The following NEGR1 variants were observed in gnomAD, a reference collection of about 807,000 sequenced individuals.
The protein encoded by NEGR1 is neuronal growth regulator 1, also known as IgLON family member 4.
Under a neutral mutation model 40.9 loss-of-function variants are expected in NEGR1, and 10 were observed. The observed-to-expected ratio is 0.24, with a 90% CI of 0.15 to 0.42. The LOEUF (loss-of-function observed/expected upper bound fraction) is 0.42, where lower values mean the gene tolerates loss of function less well. NEGR1 is among the 10% of genes least tolerant of loss of function. The pLI is 1.00. For missense variants in NEGR1, 352 were observed against 438.9 expected, an observed-to-expected ratio of 0.80 and a Z score of 1.77; for synonymous variants, 185 against 166.8, an observed-to-expected ratio of 1.11 and a Z score of -0.84.
intron 4 of NEGR1, 126 bp downstream of exon 4, chr1:71,697,882 G>C: frequency 1.2e-6 from 1 of 805,080 alleles, no homozygotes; most frequent in South Asian, 1.8e-5. Context: ...CACGTCTTCA[G>C]TGTTAGTAGG....
chr1:72,232,945 G>A (rs1250486493), intron 1 of NEGR1, among the ~76,000 whole-genome samples: 1 of 152,134 alleles, frequency 6.6e-6, no homozygotes, highest in Non-Finnish European at 1.5e-5. Context: ...ACACAGTAAA[G>A]TCTTGAAAAA....
chr1:71,763,076 G>A (rs1257805704), intron 3 of NEGR1, among the ~76,000 whole-genome samples: 2 of 152,098 alleles, frequency 1.3e-5, no homozygotes, highest in African/African-American at 4.8e-5. Context: ...GTAACTATAA[G>A]GAAATAATAC....
At chr1:72,241,983 G>A (rs1654760386) in intron 1 of NEGR1, among the ~76,000 whole-genome samples, 1 of 151,570 alleles carries the variant, frequency 6.6e-6, no homozygotes, top group South Asian at 2.1e-4. Flanking sequence ...CCTACAGTTT[G>A]AAACCTGTAT....
At chr1:71,523,889 G>A (rs774277775) in intron 6 of NEGR1, among the ~76,000 whole-genome samples, 11 of 151,834 alleles carry the variant, frequency 7.2e-5, no homozygotes, top group Non-Finnish European at 1.2e-4. Flanking sequence ...TCAGTATAGC[G>A]AGAAGCTCTG....
intron 6 of NEGR1, among the ~76,000 whole-genome samples, chr1:71,549,521 C>T (rs1648007865): frequency 1.3e-5 from 2 of 151,628 alleles, no homozygotes; most frequent in South Asian, 2.1e-4. Flanking sequence ...CCAAAACTGG[C>T]CAAGCACTAG....
chr1:71,634,328 T>C (rs1651070197), intron 4 of NEGR1, among the ~76,000 whole-genome samples: 1 of 152,020 alleles, frequency 6.6e-6, no homozygotes, highest in Admixed American at 6.6e-5. Context: ...CAGCAAAATG[T>C]TATTGGCAGA....
chr1:71,887,992 GACACAC>G (rs57794150), intron 2 of NEGR1, among the ~76,000 whole-genome samples: 20,554 of 138,102 alleles, frequency 0.15, 1,478 homozygotes, highest in Non-Finnish European at 0.17. Context: ...CTTTTGAAAG[GACACAC>G]ACACACACAC....
chr1:71,678,340 AC>A, intron 4 of NEGR1, among the ~76,000 whole-genome samples: 1 of 152,308 alleles, frequency 6.6e-6, no homozygotes. Context: ...TCTCTTTACT[AC>A]TTTACAATGA....
intron 4 of NEGR1, among the ~76,000 whole-genome samples, chr1:71,687,327 C>T (rs1368203394): frequency 6.6e-6 from 1 of 152,156 alleles, no homozygotes; most frequent in Non-Finnish European, 1.5e-5. Flanking sequence ...AACACACCCA[C>T]AGTGCCCTAA....
At chr1:71,897,095 T>C (rs764069565) in intron 2 of NEGR1, among the ~76,000 whole-genome samples, 3 of 152,154 alleles carry the variant, frequency 2.0e-5, no homozygotes, top group Non-Finnish European at 4.4e-5. Context: ...TCACAGTTAA[T>C]AAAGTAGTTG....
chr1:72,108,185 A>C (rs1054811440), intron 1 of NEGR1, among the ~76,000 whole-genome samples: 1 of 151,702 alleles, frequency 6.6e-6, no homozygotes, highest in African/African-American at 2.4e-5. Context: ...TCAGGTACTC[A>C]TAAATCCATA....
Position 71,405,875 on chromosome 1 carries a change from G to A in NEGR1, c.*1571C>T, listed in dbSNP as rs1475726069. 6 of 152,178 alleles carry A rather than the reference G, an allele frequency of 3.9e-5. No homozygotes were observed. The highest frequency in any genetic ancestry group is 7.4e-5 in the Non-Finnish European group (5 of 67,816). 9.4% of individuals were successfully genotyped at this position (152,178 alleles called of 1,614,324 possible). The stretch of plus-strand genomic sequence containing the variant: ...TGAAATTGGTAACTTCATCAAACCT[G>A]TAAAATGGCTTTCAAGGTGATGGCC... On this transcript the variant is annotated 3_prime_UTR_variant, in exon 7 of 7. Transcript: ENST00000357731.
At chr1:72,130,162 T>C (rs962342243) in intron 1 of NEGR1, among the ~76,000 whole-genome samples, 6 of 152,194 alleles carry the variant, frequency 3.9e-5, no homozygotes, top group African/African-American at 1.4e-4. Flanking sequence ...CTTTTTTCTT[T>C]GTCCTGCCTG....
At chr1:72,015,280 A>G (rs1313624624) in intron 1 of NEGR1, among the ~76,000 whole-genome samples, 2 of 152,122 alleles carry the variant, frequency 1.3e-5, no homozygotes, top group Non-Finnish European at 2.9e-5. Flanking sequence ...GAAATTGGTT[A>G]TTCAGCTTTG....
intron 6 of NEGR1, among the ~76,000 whole-genome samples, chr1:71,569,001 C>T (rs1648725053): frequency 6.6e-6 from 1 of 151,618 alleles, no homozygotes; most frequent in South Asian, 2.1e-4. Context: ...ACTGCAACCT[C>T]CACCTTCCAG....
At chr1:72,079,337 T>C (rs530949085) in intron 1 of NEGR1, among the ~76,000 whole-genome samples, 19 of 151,922 alleles carry the variant, frequency 1.3e-4, no homozygotes, top group Non-Finnish European at 2.5e-4. Context: ...ACAGAAAATC[T>C]CACCTAATTA....
intron 6 of NEGR1, among the ~76,000 whole-genome samples, chr1:71,451,333 A>ATTTTT (rs35201330): frequency 1.4e-5 from 2 of 138,354 alleles, no homozygotes; most frequent in African/African-American, 5.5e-5. Flanking sequence ...AGTGCTACAG[A>ATTTTT]TTTTTTTTTT....
At chr1:71,849,422 A>T (rs963296855) in intron 2 of NEGR1, among the ~76,000 whole-genome samples, 5 of 152,128 alleles carry the variant, frequency 3.3e-5, no homozygotes, top group Non-Finnish European at 7.4e-5. Flanking sequence ...CTCATGATAA[A>T]CTTGAAAGAT....
intron 1 of NEGR1, among the ~76,000 whole-genome samples, chr1:72,221,448 AG>A (rs1397958720): frequency 6.6e-6 from 1 of 152,178 alleles, no homozygotes; most frequent in Non-Finnish European, 1.5e-5. Context: ...ATAATATAAA[AG>A]TTTATGTATT....
Sources: allele counts gnomAD v4.1 joint callset (sites outside exome capture counted in the v4.1 genomes callset), GRCh38; gene constraint gnomAD v4.1.1; transcripts MANE v1.5; gene names NCBI Gene and HGNC (gene_info 2026-07-23, HGNC 2026-07-21).